The following SGK3 variants were observed in gnomAD, a reference collection of about 807,000 sequenced individuals.
SGK3 encodes the protein serine/threonine-protein kinase Sgk3.
A neutral mutation model predicts 68.5 loss-of-function variants in SGK3; 47 were observed. The ratio of observed to expected loss-of-function variants is 0.69; its 90% confidence interval spans 0.54 to 0.87. The LOEUF (loss-of-function observed/expected upper bound fraction) is 0.87. SGK3 is among the 40% of genes least tolerant of loss of function. The pLI, the probability that SGK3 is intolerant of heterozygous loss-of-function variation, is 0.00. For synonymous variants in SGK3, 181 were observed against 189.1 expected (o/e 0.96, Z 0.35); for missense variants, 479 against 575.5 (o/e 0.83, Z 1.72).
intron 2 of SGK3, among the ~76,000 whole-genome samples, chr8:66,797,167 G>C (rs989500341): frequency 1.3e-5 from 2 of 152,164 alleles, no homozygotes; most frequent in African/African-American, 4.8e-5. Context: ...TGGGTAGCCA[G>C]GGGAGGCCAC....
intron 1 of SGK3, among the ~76,000 whole-genome samples, chr8:66,756,901 A>G (rs900909580): frequency 6.6e-6 from 1 of 151,934 alleles, no homozygotes; most frequent in Non-Finnish European, 1.5e-5. Flanking sequence ...AGCATCAACT[A>G]TTTTTAAAAA....
At chr8:66,728,946 C>T (rs1467620228) in intron 1 of SGK3, among the ~76,000 whole-genome samples, 6 of 151,370 alleles carry the variant, frequency 4.0e-5, no homozygotes, top group East Asian at 2.0e-4. Context: ...GGACTGGGCA[C>T]GGGTGGCTCA....
intron 1 of SGK3, among the ~76,000 whole-genome samples, chr8:66,745,975 T>C (rs2130416431): frequency 6.6e-6 from 1 of 152,278 alleles, no homozygotes; most frequent in South Asian, 2.1e-4. Context: ...AGTTTCAACT[T>C]GAGTTTGGAG....
intron 1 of SGK3, among the ~76,000 whole-genome samples, chr8:66,714,516 T>G (rs986762531): frequency 6.6e-6 from 1 of 152,122 alleles, no homozygotes; most frequent in Non-Finnish European, 1.5e-5. Context: ...CCCTCCCTTA[T>G]CTCTCTCTCA....
intron 16 of SGK3, among the ~76,000 whole-genome samples, chr8:66,856,444 G>A (rs1290169238): frequency 1.3e-5 from 2 of 152,140 alleles, no homozygotes; most frequent in Non-Finnish European, 2.9e-5. Context: ...AAGTGTTTTG[G>A]ATTTGGGATT....
intron 1 of SGK3, among the ~76,000 whole-genome samples, chr8:66,728,007 T>G (rs1052964348): frequency 1.3e-5 from 2 of 152,200 alleles, no homozygotes; most frequent in African/African-American, 4.8e-5. Context: ...GAGATATAAT[T>G]CATATACCAT....
intron 8 of SGK3, 95 bp from the exon 9 acceptor site, chr8:66,835,668 A>G: frequency 7.4e-7 from 1 of 1,348,526 alleles, no homozygotes; most frequent in Non-Finnish European, 1.0e-6. Context: ...CTTTCTTTTT[A>G]CAGAATTTAA....
intron 16 of SGK3, among the ~76,000 whole-genome samples, chr8:66,857,731 T>A (rs1810570646): frequency 1.3e-5 from 2 of 151,842 alleles, no homozygotes; most frequent in South Asian, 4.2e-4. Context: ...TGCAGTGAGC[T>A]GTGATTGTGC....
chr8:66,767,640 A>C (rs763295827), intron 1 of SGK3: 79 of 1,376,886 alleles, frequency 5.7e-5, no homozygotes, highest in Middle Eastern at 1.8e-4. Flanking sequence ...CGAAGCCTAG[A>C]GGATTGAAGG....
chr8:66,789,469 A>G (rs1385664041), intron 1 of SGK3, among the ~76,000 whole-genome samples: 1 of 152,198 alleles, frequency 6.6e-6, no homozygotes, highest in African/African-American at 2.4e-5. Flanking sequence ...GAATTTAGCC[A>G]GTTACTAAGT....
In SGK3 at chr8:66,775,894, G is replaced by A. The variant is rs544707504; in HGVS notation, c.-121-17722G>A. Among the ~76,000 whole-genome samples, 7 of 146,252 alleles carry A rather than the reference G, an allele frequency of 4.8e-5. No homozygotes were observed. The South Asian group carries it at 1.5e-3, about 30-fold the overall frequency. On this transcript the variant is annotated intron_variant, in intron 1 of 16. Coordinates refer to ENST00000521198, the MANE Select transcript of SGK3 (RefSeq NM_001033578.3). ...CTACTTATTAACTGCGAAAACTTGG[G>A]CAATTTGCCTAACTTTTCTATGCCT...
chr8:66,798,616 T>C lies in SGK3; in HGVS notation c.171T>C (p.Leu57=), dbSNP rs2130591624. 1 of 1,606,162 alleles carries C rather than the reference T, an allele frequency of 6.2e-7. No individual in the cohort carries two copies. The highest frequency in any genetic ancestry group is 1.3e-5 in the African/African-American group (1 of 74,878). Residue 57 remains leucine (L), a synonymous_variant, in exon 3 of 17, where the codon CTT becomes CTC. Transcript: ENST00000521198. Reference sequence around the variant, plus strand: ...GGAGATATGCAGAGTTTGATAAACTTTATAACACTGTAAGTAATCGTCTAC... The same window carrying C: ...GGAGATATGCAGAGTTTGATAAACTCTATAACACTGTAAGTAATCGTCTAC... ...VFRRYAEFDK[L]YNTLKKQFPA...
intron 15 of SGK3, among the ~76,000 whole-genome samples, chr8:66,848,801 C>T (rs1420950469): frequency 6.6e-6 from 1 of 152,184 alleles, no homozygotes; most frequent in Non-Finnish European, 1.5e-5. Context: ...TATCTCCTTC[C>T]CTTCTTAGCC....
intron 1 of SGK3, among the ~76,000 whole-genome samples, chr8:66,755,166 G>A (rs1186449499): frequency 6.6e-6 from 1 of 151,504 alleles, no homozygotes; most frequent in Non-Finnish European, 1.5e-5. Context: ...GGCTGAGGCA[G>A]GAGAATCATC....
At chr8:66,843,659 T>A in intron 14 of SGK3, 112 bp downstream of exon 14, 2 of 1,105,560 alleles carry the variant, frequency 1.8e-6, no homozygotes, top group African/African-American at 1.6e-5. Context: ...AACAGAGCAG[T>A]AATAGTCTGG....
At chr8:66,823,716 A>T (rs1808939657) in intron 6 of SGK3, among the ~76,000 whole-genome samples, 1 of 152,036 alleles carries the variant, frequency 6.6e-6, no homozygotes, top group African/African-American at 2.4e-5. Flanking sequence ...TTTAAACTAG[A>T]TGTGATAGCA....
At chr8:66,738,164 G>A (rs1805377928) in intron 1 of SGK3, among the ~76,000 whole-genome samples, 1 of 151,602 alleles carries the variant, frequency 6.6e-6, no homozygotes, top group East Asian at 1.9e-4. Context: ...AGACTTCTTG[G>A]TCTCCTTTAC....
chr8:66,764,778 A>C (rs574711389), intron 1 of SGK3, among the ~76,000 whole-genome samples: 1 of 152,330 alleles, frequency 6.6e-6, no homozygotes, highest in South Asian at 2.1e-4. Context: ...TGCTAAATGA[A>C]ATAAACCAGA....
chr8:66,785,364 A>T (rs1807156652), intron 1 of SGK3, among the ~76,000 whole-genome samples: 1 of 152,192 alleles, frequency 6.6e-6, no homozygotes, highest in Non-Finnish European at 1.5e-5. Context: ...AATGATATTT[A>T]CCTCAGAGGT....
Sources: allele counts gnomAD v4.1 joint callset (sites outside exome capture counted in the v4.1 genomes callset), GRCh38; gene constraint gnomAD v4.1.1; transcripts MANE v1.5; gene names NCBI Gene and HGNC (gene_info 2026-07-23, HGNC 2026-07-21).